FBXO38: variants seen among roughly 807,000 people sequenced by gnomAD.
FBXO38 encodes the protein F-box only protein 38.
FBXO38 carries 53 observed loss-of-function variants against 131.9 expected under a neutral mutation model. The observed-to-expected ratio is 0.40, with a 90% CI of 0.32 to 0.51. The LOEUF is 0.51. Among genes scored for constraint, FBXO38 ranks in the 20% least tolerant of loss-of-function variants. FBXO38 has a pLI of 0.53. For missense variants in FBXO38, 1,076 were observed against 1,475.6 expected (o/e 0.73, Z 4.44); for synonymous variants, 452 against 505.6 (o/e 0.89, Z 1.42).
In FBXO38 at chr5:148,393,188, G is replaced by GGGGTGT. The variant is rs1420907423; in HGVS notation, c.-63-1525_-63-1524insGGTGTG. ...TACTGGTTAGAAACAACAGAAGAGGGGTGTGTGTGTGTGTGTGTGTGTGTG... is the reference window on the plus strand; with the variant it reads ...TACTGGTTAGAAACAACAGAAGAGGGGGGTGTGTGTGTGTGTGTGTGTGTGTGTGTG... On this transcript the variant is annotated intron_variant, in intron 1 of 21. Transcript: ENST00000340253. Among the ~76,000 whole-genome samples the GGGGTGT allele has an allele frequency of 3.5e-3, 444 of 127,080 alleles. 6 individuals are homozygous for GGGGTGT. The highest frequency in any genetic ancestry group is 0.011 in the African/African-American group (374 of 32,838). 83.4% of individuals were successfully genotyped at this position (127,080 alleles called of 152,430 possible). A position where few individuals can be genotyped will look rare whatever the true frequency, so the allele number is the denominator to read the frequency against.
rs919699896 is a variant in FBXO38 at position 148,406,494 on chromosome 5, T to C, written c.868+100T>C. On this transcript the variant is annotated intron_variant, in intron 7 of 21. Transcript: ENST00000340253. ...CCCTGGCAAGTCTTTAAAAAGAAAATGCTCGTCAGTAACTGCTTTCTTTGT... is the reference window on the plus strand; with the variant it reads ...CCCTGGCAAGTCTTTAAAAAGAAAACGCTCGTCAGTAACTGCTTTCTTTGT... 3.2e-6 allele frequency: 3 copies of C among 941,514 alleles called. No individual in the cohort carries two copies. The African/African-American group carries it at 5.1e-5, about 16-fold the overall frequency. 58.3% of individuals were successfully genotyped at this position (941,514 alleles called of 1,614,324 possible).
At chr5:148,432,172 T>G (rs1311748168) in intron 15 of FBXO38, among the ~76,000 whole-genome samples, 1 of 152,218 alleles carries the variant, frequency 6.6e-6, no homozygotes, top group Non-Finnish European at 1.5e-5. Context: ...TAGTGGTGAT[T>G]TAATTCATGA....
At chr5:148,422,420 G>T (rs1264821174) in intron 12 of FBXO38, among the ~76,000 whole-genome samples, 1 of 152,116 alleles carries the variant, frequency 6.6e-6, no homozygotes, top group East Asian at 1.9e-4. Context: ...GTTAATCTCA[G>T]AGATGTCTTT....
chr5:148,393,258 G>C (rs919733691), intron 1 of FBXO38, among the ~76,000 whole-genome samples: 2 of 145,348 alleles, frequency 1.4e-5, no homozygotes, highest in Non-Finnish European at 3.0e-5. Flanking sequence ...CATGCTGACA[G>C]CCTCAAGAAG....
chr5:148,404,121 C>T (rs1752311894), intron 5 of FBXO38, among the ~76,000 whole-genome samples: 1 of 152,186 alleles, frequency 6.6e-6, no homozygotes, highest in Admixed American at 6.5e-5. Context: ...TGCTGGCTGG[C>T]TTCTCCCACA....
intron 21 of FBXO38, chr5:148,441,648 A>ACTACTTG (rs1754692017): frequency 4.6e-6 from 1 of 218,528 alleles, no homozygotes; most frequent in African/African-American, 2.3e-5. Context: ...TAGTTTCTCT[A>ACTACTTG]AGTGGTAGCA....
chr5:148,390,690 ACT>A (rs1317263163), intron 1 of FBXO38, among the ~76,000 whole-genome samples: 3 of 152,146 alleles, frequency 2.0e-5, no homozygotes, highest in African/African-American at 7.2e-5. Context: ...ATATTTGTTA[ACT>A]CTCAATAAGT....
chr5:148,440,458 A>G lies in FBXO38; in HGVS notation c.3205A>G (p.Thr1069Ala), dbSNP rs753794111. The stretch of plus-strand genomic sequence containing the variant: ...TAAATATGAATTCTTCCCTGAAGCC[A>G]CTCGAAGTGAAGAAGACTTAAAGAA... ...LIKYEFFPEA[T>A]RSEEDLKKYP... The change falls in exon 20 of 22, where the codon ACT (threonine) becomes GCT (alanine). Residue 1069 changes from threonine (T) to alanine (A), a missense_variant. Thr to Ala is a moderately conservative substitution (Grantham distance 58). Around this residue, in one of 8 missense-constraint regions of FBXO38, gnomAD observed 282 missense variants for 418.8 expected, o/e 0.67. Transcript: ENST00000340253. 1 of 1,612,810 alleles carries G rather than the reference A, an allele frequency of 6.2e-7. No individual in the cohort carries two copies. Among genetic ancestry groups the G allele is most frequent in the South Asian group, 1.1e-5 (1 of 91,024 alleles).
chr5:148,411,428 G>A (rs965335011), intron 9 of FBXO38, among the ~76,000 whole-genome samples: 1 of 152,026 alleles, frequency 6.6e-6, no homozygotes, highest in Non-Finnish European at 1.5e-5. Context: ...ATTTATTCAA[G>A]AATTCATTTT....
At chr5:148,389,646 C>T (rs1758093391) in intron 1 of FBXO38, 1 of 152,178 alleles carries the variant, frequency 6.6e-6, no homozygotes, top group Non-Finnish European at 1.5e-5. Context: ...GAAAAAAACA[C>T]AAGGCTAGTG....
intron 8 of FBXO38, 82 bp downstream of exon 8, chr5:148,409,299 T>G (rs1752618951): frequency 1.2e-6 from 1 of 834,918 alleles, no homozygotes; most frequent in African/African-American, 1.7e-5. Flanking sequence ...GTGGAATGTG[T>G]GTGTATATAT....
In FBXO38 at chr5:148,412,610, T is replaced by C. The variant is rs74985129; in HGVS notation, c.1094-1526T>C. Among the ~76,000 whole-genome samples, 626 of 152,180 alleles carry C rather than the reference T, an allele frequency of 4.1e-3. 2 individuals are homozygous for C. Among genetic ancestry groups the C allele is most frequent in the African/African-American group, 0.014 (578 of 41,532 alleles). ...CTCAGTGAAAATTTCAGAAACAATA[T>C]AGTCCTAGCCCTAGAGTTCTAGCAA... On this transcript the variant is annotated intron_variant, in intron 9 of 21. Transcript: ENST00000340253.
chr5:148,387,325 C>G (rs1757963785), intron 1 of FBXO38, among the ~76,000 whole-genome samples: 1 of 152,200 alleles, frequency 6.6e-6, no homozygotes, highest in South Asian at 2.1e-4. Flanking sequence ...AACTTCTCAT[C>G]TGTTCAAGTT....
At chr5:148,422,715 A>G (rs1338207725) in intron 12 of FBXO38, among the ~76,000 whole-genome samples, 3 of 152,232 alleles carry the variant, frequency 2.0e-5, no homozygotes, top group Non-Finnish European at 2.9e-5. Context: ...TGCACAGGCT[A>G]TTCTGGCAAC....
chr5:148,403,091 A>G (rs1752252766), intron 5 of FBXO38, among the ~76,000 whole-genome samples: 1 of 152,158 alleles, frequency 6.6e-6, no homozygotes, highest in Admixed American at 6.6e-5. Flanking sequence ...CCCTTCATTT[A>G]TAAGATCAGG....
At chr5:148,399,294 A>G (rs980915836) in intron 3 of FBXO38, 162 bp downstream of exon 3, 1 of 739,302 alleles carries the variant, frequency 1.4e-6, no homozygotes, top group African/African-American at 1.8e-5. Flanking sequence ...AGGTTGTAAA[A>G]TGCGTTTTAC....
rs1156908271 is a variant in FBXO38, at chr5:148,427,278, C to A, written c.1984C>A (p.Gln662Lys). ...YNSHQMGQSK[Q>K]FPLEESSCEK... ...CTCCCATCAGATGGGCCAGTCGAAG[C>A]AGTTTCCCCTCGAGGAAAGCAGCTG... The change falls in exon 15 of 22, where the codon CAG becomes AAG. Residue 662 changes from glutamine to lysine, a missense_variant. Gln to Lys is a moderately conservative substitution (Grantham distance 53). Coordinates refer to ENST00000340253, the MANE Select transcript of FBXO38 (RefSeq NM_205836.3). 1 of 1,614,068 alleles carries A rather than the reference C, an allele frequency of 6.2e-7. No homozygotes were observed. The highest frequency in any genetic ancestry group is 1.3e-5 in the African/African-American group (1 of 74,940).
At chr5:148,414,431 C>T (rs1752938060) in intron 10 of FBXO38, 125 bp downstream of exon 10, 1 of 910,072 alleles carries the variant, frequency 1.1e-6, no homozygotes, top group East Asian at 2.7e-5. Context: ...TTGGATTGTT[C>T]ATACAAGTTC....
At position 148,433,454 on chromosome 5, in the gene FBXO38, T is replaced by C. The variant is rs766584164; in HGVS notation, c.2684T>C (p.Met895Thr). 1 of 1,613,770 alleles carries C rather than the reference T, an allele frequency of 6.2e-7. No individual in the cohort carries two copies. The highest frequency in any genetic ancestry group is 1.3e-5 in the African/African-American group (1 of 74,916). Residue 895 changes from methionine (M) to threonine (T), a missense_variant, in exon 16 of 22, where the codon ATG (methionine) becomes ACG (threonine). Transcript: ENST00000340253. ...GCCAAAACAAAGCCACGTCACGCCA[T>C]GAAACGGAAGCGGACAGCAGATAAA... ...EVAKTKPRHA[M>T]KRKRTADKST...
Sources: allele counts gnomAD v4.1 joint callset (sites outside exome capture counted in the v4.1 genomes callset), GRCh38; gene constraint gnomAD v4.1.1; regional missense constraint gnomAD v4.1.1; transcripts MANE v1.5; gene names NCBI Gene and HGNC (gene_info 2026-07-23, HGNC 2026-07-21).